GAK: variants seen among roughly 807,000 people sequenced by gnomAD.
The protein encoded by GAK is cyclin-G-associated kinase.
A neutral mutation model predicts 143.9 loss-of-function variants in GAK; 79 were observed. The observed-to-expected ratio is 0.55, with a 90% CI of 0.46 to 0.66. The LOEUF (loss-of-function observed/expected upper bound fraction) is 0.66. GAK is among the 30% of genes least tolerant of loss of function. The probability of loss-of-function intolerance (pLI) is 0.00; values close to 1 mark genes in which losing one functional copy is unlikely to be tolerated. For missense variants in GAK, 1,693 were observed against 1,779.7 expected (o/e 0.95, Z 0.88); for synonymous variants, 881 against 765.5 (o/e 1.15, Z -2.49).
chr4:877,982 T>G (rs1714329965), intron 15 of GAK, among the ~76,000 whole-genome samples, 173 bp from the exon 16 acceptor site: 1 of 149,424 alleles, frequency 6.7e-6, no homozygotes, highest in African/African-American at 2.6e-5. Context: ...TATATATGTG[T>G]GTGTGTATAC....
At chr4:899,082 C>T (rs1719362193) in intron 5 of GAK, among the ~76,000 whole-genome samples, 1 of 152,190 alleles carries the variant, frequency 6.6e-6, no homozygotes, top group South Asian at 2.1e-4. Context: ...ACGCCCCACA[C>T]AACACCCATC....
chr4:877,848 T>C (rs762071646), intron 15 of GAK, 39 bp from the exon 16 acceptor site: 1 of 1,514,830 alleles, frequency 6.6e-7, no homozygotes, highest in Non-Finnish European at 8.9e-7. Flanking sequence ...TGACGTGCCC[T>C]GAGAGGGGAC....
chr4:871,620 T>C (rs1402243881), intron 18 of GAK, among the ~76,000 whole-genome samples: 3 of 148,650 alleles, frequency 2.0e-5, no homozygotes, highest in South Asian at 4.3e-4. Flanking sequence ...CAGCAGGGCC[T>C]GCCTTGGGGT....
At chr4:924,538 C>T (rs187272917) in intron 1 of GAK, among the ~76,000 whole-genome samples, 3 of 151,914 alleles carry the variant, frequency 2.0e-5, no homozygotes, top group East Asian at 1.9e-4. Context: ...ACAGCGGATA[C>T]GGTTTGGATC....
chr4:919,106 G>A (rs13136464), intron 1 of GAK, among the ~76,000 whole-genome samples: 17 of 145,932 alleles, frequency 1.2e-4, no homozygotes, highest in Admixed American at 4.8e-4. Context: ...AGGCCTCAGC[G>A]CCCCATGACC....
In GAK at chr4:913,855, C is replaced by A. The variant is rs550696203; in HGVS notation, c.146-187G>T. 391 of 565,494 alleles carry A rather than the reference C, an allele frequency of 6.9e-4. 2 individuals are homozygous for A. The African/African-American group carries it at 7.2e-3, about 10-fold the overall frequency. The allele number at this position is 565,494 out of a possible 1,614,324, so 35.0% of individuals were successfully genotyped here. On this transcript the variant is annotated intron_variant, in intron 1 of 27. Transcript: ENST00000314167. ...GCCCCAGCATACATGCCCCCACACA[C>A]ACAGCCCCAGCGTGCACGGCCCCCC...
chr4:900,606 C>T (rs1045334868), intron 5 of GAK, among the ~76,000 whole-genome samples: 11 of 152,144 alleles, frequency 7.2e-5, no homozygotes, highest in African/African-American at 2.7e-4. Flanking sequence ...CAGGAAGAAC[C>T]ACCCAGACAG....
At chr4:907,318 C>G (rs1721259413) in intron 4 of GAK, among the ~76,000 whole-genome samples, 1 of 152,220 alleles carries the variant, frequency 6.6e-6, no homozygotes, top group Non-Finnish European at 1.5e-5. Flanking sequence ...CCTCTCAGCC[C>G]TCACCACAGC....
Position 849,826 on chromosome 4 carries a change from G to A in GAK, c.3835-52C>T, listed in dbSNP as rs546923165. 778 of 1,413,808 alleles carry A rather than the reference G, an allele frequency of 5.5e-4. 3 individuals are homozygous for A. The East Asian group carries it at 0.01, about 19-fold the overall frequency. 87.6% of individuals were successfully genotyped at this position (1,413,808 alleles called of 1,614,324 possible). On this transcript the variant is annotated intron_variant, in intron 27 of 27. Transcript: ENST00000314167. The stretch of plus-strand genomic sequence containing the variant: ...CTCTTATAAGCATGCGGGGGCGGGC[G>A]GGGCAGGACCCCCCCCCCGCCCCGC...
At chr4:894,573 C>A (rs34509509) in intron 7 of GAK, 18,868 of 152,632 alleles carry the variant, frequency 0.12, 1,270 homozygotes, top group Non-Finnish European at 0.15. Context: ...CTTGACTGTG[C>A]GGAGCTGGCG....
chr4:896,906 C>T (rs963855831), intron 6 of GAK, among the ~76,000 whole-genome samples: 6 of 152,250 alleles, frequency 3.9e-5, no homozygotes, highest in Non-Finnish European at 5.9e-5. Context: ...CCAGAGTGGC[C>T]GCACCCAGAG....
chr4:861,173 C>T (rs887107721), intron 23 of GAK, among the ~76,000 whole-genome samples: 1 of 152,172 alleles, frequency 6.6e-6, no homozygotes, highest in African/African-American at 2.4e-5. Context: ...CACAACTTTA[C>T]TGAAATCAGT....
At chr4:879,040 A>G (rs1363330266) in intron 15 of GAK, among the ~76,000 whole-genome samples, 1 of 152,234 alleles carries the variant, frequency 6.6e-6, no homozygotes, top group Non-Finnish European at 1.5e-5. Flanking sequence ...GAAATGAAAG[A>G]GAAATCGGCT....
At chr4:898,345 G>A (rs1719206720) in intron 5 of GAK, among the ~76,000 whole-genome samples, 187 bp from the exon 6 acceptor site, 1 of 152,214 alleles carries the variant, frequency 6.6e-6, no homozygotes, top group African/African-American at 2.4e-5. Context: ...GCAGCTCGGG[G>A]TGCAGGGGCC....
chr4:897,833 C>G, intron 6 of GAK, 200 bp downstream of exon 6: 1 of 501,450 alleles, frequency 2.0e-6, no homozygotes, highest in Non-Finnish European at 3.4e-6. Context: ...CCTGTAACCC[C>G]AGCTACTCGG....
intron 10 of GAK, 87 bp from the exon 11 acceptor site, chr4:889,057 C>T (rs9328759): frequency 0.84 from 1,216,627 of 1,452,658 alleles, 510,992 homozygotes; most frequent in African/African-American, 0.94. Context: ...AGGCCCCAGG[C>T]GCTCGGTCCC....
intron 1 of GAK, among the ~76,000 whole-genome samples, chr4:931,006 T>C (rs1725625013): frequency 6.6e-6 from 1 of 152,178 alleles, no homozygotes; most frequent in Non-Finnish European, 1.5e-5. Flanking sequence ...CCTGTGCCAA[T>C]ACAGCAGAAT....
In GAK at chr4:878,166, G is replaced by A. The variant is rs1462027740; in HGVS notation, c.1662-357C>T. 5.3e-5 allele frequency among the ~76,000 whole-genome samples: 8 copies of A among 152,256 alleles called. No individual in the cohort carries two copies. In the South Asian group the frequency reaches 1.7e-3, roughly 32 times the overall value. ...AGCACTTTGGGAGGCCAAGGCAGGT[G>A]GATCACAAGGTCAGGAGTTTGAGAC... On this transcript the variant is annotated intron_variant, in intron 15 of 27. Coordinates refer to ENST00000314167, the MANE Select transcript of GAK (RefSeq NM_005255.4).
chr4:900,398 G>A lies in GAK; in HGVS notation c.526-2240C>T, dbSNP rs1035209801. ...GGCTGGCCTGGGTTCCCGCCACGCCGCTGTGGAGCAGCAGCAAGGCCAGTG... is the reference window on the plus strand; with the variant it reads ...GGCTGGCCTGGGTTCCCGCCACGCCACTGTGGAGCAGCAGCAAGGCCAGTG... On this transcript the variant is annotated intron_variant, in intron 5 of 27. Transcript: ENST00000314167. Among the ~76,000 whole-genome samples, 21 of 152,358 alleles carry A rather than the reference G, an allele frequency of 1.4e-4. 1 individual carries two copies. Among genetic ancestry groups the A allele is most frequent in the Admixed American group, 1.2e-3 (18 of 15,306 alleles).
Sources: gnomAD v4.1 joint callset for allele counts (sites outside exome capture counted in the v4.1 genomes callset) on GRCh38, gnomAD v4.1.1 for gene constraint, MANE v1.5 for transcripts, NCBI Gene and HGNC (gene_info 2026-07-23, HGNC 2026-07-21) for gene names.